The following ANO3 variants were observed in gnomAD, a reference collection of about 807,000 sequenced individuals.
ANO3 encodes anoctamin-3.
In ANO3, 99 loss-of-function variants were observed where a neutral mutation model predicts 144.8. That is an observed-to-expected ratio of 0.68 (90% CI 0.58 to 0.81). ANO3 has a LOEUF of 0.81. ANO3 is among the 30% of genes least tolerant of loss of function. The probability of loss-of-function intolerance (pLI) is 0.00; values close to 1 mark genes in which losing one functional copy is unlikely to be tolerated. For missense variants in ANO3, 905 were observed against 1,202.2 expected (o/e 0.75, Z 3.66); for synonymous variants, 414 against 392.6 (o/e 1.05, Z -0.64).
intron 1 of ANO3, among the ~76,000 whole-genome samples, chr11:26,385,775 T>C (rs1185491313): frequency 6.6e-6 from 1 of 150,974 alleles, no homozygotes; most frequent in African/African-American, 2.4e-5. Context: ...AACTGCCTAA[T>C]AGGAACTGGA....
intron 3 of ANO3, among the ~76,000 whole-genome samples, chr11:26,460,649 A>G (rs1286807030): frequency 6.6e-6 from 1 of 152,010 alleles, no homozygotes; most frequent in East Asian, 1.9e-4. Flanking sequence ...TCCTCCAGCA[A>G]GATGATGCTG....
intron 8 of ANO3, among the ~76,000 whole-genome samples, chr11:26,532,580 C>T (rs4923362): frequency 0.61 from 92,337 of 151,778 alleles, 28,612 homozygotes; most frequent in East Asian, 0.81. Context: ...GCACTATCAC[C>T]CCATCTTCTG....
intron 12 of ANO3, among the ~76,000 whole-genome samples, chr11:26,551,213 A>G (rs11029612): frequency 6.6e-6 from 1 of 151,970 alleles, no homozygotes; most frequent in Non-Finnish European, 1.5e-5. Context: ...TAGAAAATTT[A>G]TCGCTACTTT....
chr11:26,273,230 T>G (rs934610955), intron 1 of ANO3, among the ~76,000 whole-genome samples: 1 of 145,650 alleles, frequency 6.9e-6, no homozygotes, highest in Non-Finnish European at 1.5e-5. Flanking sequence ...TTTAAAGTTT[T>G]TTTTTTTTTT....
intron 13 of ANO3, 47 bp downstream of exon 13, chr11:26,553,392 C>A: frequency 7.2e-7 from 1 of 1,390,736 alleles, no homozygotes. Context: ...TACTGAGAAG[C>A]AGGCTGTAAG....
At chr11:26,218,937 CCTAAG>C (rs1423806890) in intron 1 of ANO3, among the ~76,000 whole-genome samples, 1 of 152,118 alleles carries the variant, frequency 6.6e-6, no homozygotes, top group African/African-American at 2.4e-5. Context: ...ACAGTCATCT[CCTAAG>C]CTCTGTTGAG....
At chr11:26,641,242 T>C (rs562662806) in intron 21 of ANO3, among the ~76,000 whole-genome samples, 2 of 152,244 alleles carry the variant, frequency 1.3e-5, no homozygotes, top group Non-Finnish European at 2.9e-5. Context: ...TAGTAATTAT[T>C]GTTCACTACA....
At chr11:26,603,616 A>G (rs1055317032) in intron 17 of ANO3, among the ~76,000 whole-genome samples, 2 of 152,074 alleles carry the variant, frequency 1.3e-5, no homozygotes, top group Non-Finnish European at 2.9e-5. Flanking sequence ...CATGAAATAC[A>G]GTTATATAAG....
intron 17 of ANO3, among the ~76,000 whole-genome samples, chr11:26,618,568 G>A (rs544414622): frequency 1.1e-4 from 17 of 152,226 alleles, no homozygotes; most frequent in South Asian, 4.1e-4. Context: ...GCTGTTTAAT[G>A]GGTTTCTATT....
intron 1 of ANO3, among the ~76,000 whole-genome samples, chr11:26,207,078 A>G (rs184972485): frequency 6.6e-6 from 1 of 152,306 alleles, no homozygotes; most frequent in African/African-American, 2.4e-5. Flanking sequence ...GTCAAAGGAT[A>G]CGAAGTTTCA....
At chr11:26,354,785 G>A (rs75989596) in intron 1 of ANO3, among the ~76,000 whole-genome samples, 3,764 of 151,862 alleles carry the variant, frequency 0.025, 153 homozygotes, top group African/African-American at 0.085. Flanking sequence ...TTTAGTCAAT[G>A]TTTATATTAT....
At chr11:26,269,269 C>A (rs1451046924) in intron 1 of ANO3, among the ~76,000 whole-genome samples, 1 of 152,198 alleles carries the variant, frequency 6.6e-6, no homozygotes, top group Non-Finnish European at 1.5e-5. Flanking sequence ...CTTTGGCACT[C>A]ACCTCTCAGG....
intron 17 of ANO3, among the ~76,000 whole-genome samples, chr11:26,607,386 C>T (rs1851966358): frequency 6.6e-6 from 1 of 152,096 alleles, no homozygotes; most frequent in Non-Finnish European, 1.5e-5. Flanking sequence ...TGGGGAAGTT[C>T]TGCTGGATAA....
At chr11:26,574,186 C>T (rs1440797581) in intron 14 of ANO3, among the ~76,000 whole-genome samples, 4 of 152,154 alleles carry the variant, frequency 2.6e-5, no homozygotes, top group African/African-American at 7.2e-5. Flanking sequence ...TCATTAATTA[C>T]GTTTCACAAT....
intron 1 of ANO3, among the ~76,000 whole-genome samples, chr11:26,386,468 CA>C (rs1363832489): frequency 6.6e-6 from 1 of 152,066 alleles, no homozygotes; most frequent in Non-Finnish European, 1.5e-5. Context: ...TATCTCTCGA[CA>C]AAAGACTAGT....
chr11:26,291,146 C>A (rs1305656089), intron 1 of ANO3, among the ~76,000 whole-genome samples: 2 of 152,142 alleles, frequency 1.3e-5, no homozygotes, highest in Non-Finnish European at 1.5e-5. Context: ...TTGAATTGAT[C>A]CCTTTACCAT....
chr11:26,425,061 G>A (rs1303214052), intron 1 of ANO3, among the ~76,000 whole-genome samples: 1 of 151,456 alleles, frequency 6.6e-6, no homozygotes, highest in Admixed American at 6.6e-5. Context: ...GCCCCGGGGT[G>A]TGATGTTCCC....
At chr11:26,296,904 A>G (rs944735544) in intron 1 of ANO3, among the ~76,000 whole-genome samples, 5 of 152,178 alleles carry the variant, frequency 3.3e-5, no homozygotes, top group Admixed American at 1.3e-4. Flanking sequence ...AAACACTTCT[A>G]GATATCATCC....
intron 14 of ANO3, chr11:26,572,021 G>A: frequency 1.1e-6 from 1 of 927,724 alleles, no homozygotes; most frequent in Non-Finnish European, 1.3e-6. Context: ...AGAGACCTAA[G>A]TGACCCAACG....
Sources: gnomAD v4.1 joint callset for allele counts (sites outside exome capture counted in the v4.1 genomes callset) on GRCh38, gnomAD v4.1.1 for gene constraint, MANE v1.5 for transcripts, NCBI Gene and HGNC (gene_info 2026-07-23, HGNC 2026-07-21) for gene names.